The following PLEKHG4B variants were observed in gnomAD, a reference collection of about 807,000 sequenced individuals.
The protein encoded by PLEKHG4B is pleckstrin homology domain-containing family G member 4B.
A neutral mutation model predicts 121.3 loss-of-function variants in PLEKHG4B; 111 were observed. That is an observed-to-expected ratio of 0.92 (90% CI 0.78 to 1.07). The LOEUF is 1.07. Among genes scored for constraint, PLEKHG4B ranks in the 50% least tolerant of loss-of-function variants. The probability of loss-of-function intolerance (pLI) is 0.00; values close to 1 mark genes in which losing one functional copy is unlikely to be tolerated. For synonymous variants in PLEKHG4B, 738 were observed against 725.0 expected (o/e 1.02, Z -0.29); for missense variants, 1,831 against 1,757.8 (o/e 1.04, Z -0.74).
chr5:185,763 A>G lies in PLEKHG4B; in HGVS notation c.*3440A>G, dbSNP rs1026171293. ...GGGATATGCCCAGGCCAGCAGGGCC[A>G]GCAGGAGTGACTGCGCCATCCTGAA... On this transcript the variant is annotated 3_prime_UTR_variant, in exon 20 of 20. Transcript: ENST00000637938. The G allele has an allele frequency of 4.6e-5, 7 of 152,540 alleles. No homozygotes were observed. Among genetic ancestry groups the G allele is most frequent in the African/African-American group, 9.6e-5 (4 of 41,480 alleles). The allele number at this position is 152,540 out of a possible 1,614,324, so 9.4% of individuals were successfully genotyped here. A position where few individuals can be genotyped will look rare whatever the true frequency, so the allele number is the denominator to read the frequency against.
At chr5:170,466 T>C (rs769662846) in intron 14 of PLEKHG4B, among the ~76,000 whole-genome samples, 5 of 152,098 alleles carry the variant, frequency 3.3e-5, no homozygotes, top group Non-Finnish European at 7.4e-5. Context: ...CACGCCCGGC[T>C]AATTTTTGTA....
chr5:92,899 A>C (rs1052919815), intron 1 of PLEKHG4B, among the ~76,000 whole-genome samples: 1 of 152,336 alleles, frequency 6.6e-6, no homozygotes, highest in South Asian at 2.1e-4. Context: ...GATTTGAGTA[A>C]GAAACATTTG....
rs1473684664 is a variant in PLEKHG4B, at chr5:156,928, G to A, written c.2487+17G>A. The A allele has an allele frequency of 6.2e-7, 1 of 1,610,314 alleles. No homozygotes were observed. Among genetic ancestry groups the A allele is most frequent in the African/African-American group, 1.3e-5 (1 of 74,862 alleles). ...AATGACCAGGTCAGAGCTGCAGGAG[G>A]AAGGCGGCCCGGTCAGCATCCCCTC... On this transcript the variant is annotated intron_variant, in intron 11 of 19. Transcript: ENST00000637938. The surrounding 1 kb of genome is among the most constrained non-coding windows in gnomAD (Gnocchi z 4.4).
Position 182,351 on chromosome 5 carries a change from T to C in PLEKHG4B, c.*28T>C, listed in dbSNP as rs367589907. ...ACTGTCAGGGTGGCAGTGCCCATCA[T>C]GTGGCTAGAACAATACAGAGGGAGC... is the stretch of plus-strand genomic sequence containing the variant. On this transcript the variant is annotated 3_prime_UTR_variant, in exon 20 of 20. Transcript: ENST00000637938. 536 of 1,559,140 alleles carry C rather than the reference T, an allele frequency of 3.4e-4. 1 individual carries two copies. Among genetic ancestry groups the C allele is most frequent in the Admixed American group, 1.7e-3 (90 of 53,542 alleles).
Position 171,040 on chromosome 5 carries a change from C to G in PLEKHG4B, c.3730-3C>G. ...AGCCAAGCAGTCGCCTCTGCTTTTC[C>G]AGGAAGAGCAGTTTGGGATGTACGT... On this transcript the variant is annotated splice_polypyrimidine_tract_variant and splice_region_variant and intron_variant, in intron 14 of 19. Coordinates refer to ENST00000637938, the MANE Select transcript of PLEKHG4B (RefSeq NM_052909.5). 6.2e-7 allele frequency: 1 copy of G among 1,608,784 alleles called. No homozygotes were observed. Among genetic ancestry groups the G allele is most frequent in the Non-Finnish European group, 8.5e-7 (1 of 1,177,708 alleles).
chr5:182,034 C>A lies in PLEKHG4B; in HGVS notation c.4595C>A (p.Ser1532Tyr). ...CAAATGAGAGGGTCCACAGCGGTGT[C>A]CTCCTCTGACCACGCCGCCCCCTTC... ...ESQMRGSTAVSSSDHAAPFKR... is the reference protein window; with the variant it reads ...ESQMRGSTAVYSSDHAAPFKR... Residue 1532 changes from serine to tyrosine, a missense_variant, in exon 20 of 20, where the codon TCC (serine) becomes TAC (tyrosine). Coordinates refer to ENST00000637938, the MANE Select transcript of PLEKHG4B (RefSeq NM_052909.5). The A allele has an allele frequency of 1.2e-6, 2 of 1,614,106 alleles. No homozygotes were observed. Among genetic ancestry groups the A allele is most frequent in the South Asian group, 2.2e-5 (2 of 91,074 alleles).
intron 3 of PLEKHG4B, among the ~76,000 whole-genome samples, chr5:142,545 C>T (rs1243754634): frequency 2.8e-5 from 4 of 144,756 alleles, no homozygotes; most frequent in African/African-American, 1.1e-4. Context: ...CTCCAGAGTT[C>T]CAAATACCAC....
intron 1 of PLEKHG4B, among the ~76,000 whole-genome samples, chr5:94,424 A>G (rs1039621010): frequency 1.3e-5 from 2 of 148,256 alleles, no homozygotes; most frequent in African/African-American, 2.6e-5. Flanking sequence ...CGAGACCCCA[A>G]CGTGCTTCTG....
chr5:155,127 G>A lies in PLEKHG4B; in HGVS notation c.2109+136G>A, dbSNP rs367862079. On this transcript the variant is annotated intron_variant, in intron 8 of 19. Transcript: ENST00000637938. ...TGTTACAGTCGCCGTTCAGGTCTTC[G>A]TGTCTACACAACCACGCCGTGGTGC... The A allele has an allele frequency of 7.7e-5, 69 of 895,948 alleles. No individual in the cohort carries two copies. The East Asian group carries it at 1.0e-3, about 13-fold the overall frequency. The allele number at this position is 895,948 out of a possible 1,614,324, so 55.5% of individuals were successfully genotyped here.
At chr5:105,838 C>T (rs1027140154) in intron 1 of PLEKHG4B, among the ~76,000 whole-genome samples, 2 of 152,140 alleles carry the variant, frequency 1.3e-5, no homozygotes, top group Non-Finnish European at 2.9e-5. Flanking sequence ...ATCAACTGCT[C>T]TCCTGCAGAA....
chr5:177,819 C>G (rs547923071), intron 18 of PLEKHG4B, among the ~76,000 whole-genome samples: 1 of 152,296 alleles, frequency 6.6e-6, no homozygotes, highest in South Asian at 2.1e-4. Context: ...GCACCTTTCC[C>G]TTGGGATGTG....
chr5:100,484 A>G (rs1733773867), intron 1 of PLEKHG4B, among the ~76,000 whole-genome samples: 1 of 56,790 alleles, frequency 1.8e-5, no homozygotes, highest in African/African-American at 1.2e-4. Context: ...AGGTAAATCC[A>G]TATAAAGCCC....
intron 2 of PLEKHG4B, among the ~76,000 whole-genome samples, chr5:116,886 G>A (rs1579250969): frequency 6.6e-6 from 1 of 152,194 alleles, no homozygotes; most frequent in East Asian, 1.9e-4. Context: ...CCTTTGTGAG[G>A]ATGTACCTTT....
rs373538777 is a variant in PLEKHG4B, at chr5:107,656, T to C, written c.46-5595T>C. Among the ~76,000 whole-genome samples the C allele has an allele frequency of 1.6e-4, 25 of 152,354 alleles. 1 individual carries two copies. The South Asian group carries it at 4.6e-3, about 28-fold the overall frequency. ...CCCCGCCCTGGGTCTGGCCTCACCCTGAACTGTGAGTCCCTGGAGGACGGG... is the reference window on the plus strand; with the variant it reads ...CCCCGCCCTGGGTCTGGCCTCACCCCGAACTGTGAGTCCCTGGAGGACGGG... On this transcript the variant is annotated intron_variant, in intron 1 of 19. Coordinates refer to ENST00000637938, the MANE Select transcript of PLEKHG4B (RefSeq NM_052909.5).
intron 3 of PLEKHG4B, among the ~76,000 whole-genome samples, chr5:142,023 G>A (rs754472679): frequency 1.3e-5 from 2 of 152,140 alleles, no homozygotes; most frequent in Non-Finnish European, 2.9e-5. Context: ...AGAGCCTTTC[G>A]CCTTCAAAGT....
intron 1 of PLEKHG4B, among the ~76,000 whole-genome samples, chr5:97,646 T>TTGTGAGGTTAATCCATACAA (rs1733668689): frequency 6.6e-6 from 1 of 151,834 alleles, no homozygotes; most frequent in African/African-American, 2.4e-5. Flanking sequence ...TTCATGGCTG[T>TTGTGAGGTTAATCCATACAA]ATAACTCTCC....
At position 143,581 on chromosome 5, in the gene PLEKHG4B, G is replaced by A. The variant is rs1346549233; in HGVS notation, c.1811+78G>A. ...TGTGTGTGGCAAAGTGGGGGGCACGGGGAGGTGCCAGCTTCCATGGCCAGA... is the reference window on the plus strand; with the variant it reads ...TGTGTGTGGCAAAGTGGGGGGCACGAGGAGGTGCCAGCTTCCATGGCCAGA... On this transcript the variant is annotated intron_variant, in intron 5 of 19. Transcript: ENST00000637938. 3.2e-6 allele frequency: 5 copies of A among 1,557,714 alleles called. No individual in the cohort carries two copies. The African/African-American group carries it at 5.4e-5, about 17-fold the overall frequency.
At chr5:130,065 G>C (rs376985770) in intron 2 of PLEKHG4B, among the ~76,000 whole-genome samples, 354 of 150,588 alleles carry the variant, frequency 2.4e-3, no homozygotes, top group African/African-American at 8.2e-3. Flanking sequence ...AATATGAAGA[G>C]AGAGTGAGAG....
chr5:110,642 C>T (rs2126353018), intron 1 of PLEKHG4B, among the ~76,000 whole-genome samples: 1 of 152,076 alleles, frequency 6.6e-6, no homozygotes, highest in Middle Eastern at 3.4e-3. Context: ...CACGTGCACA[C>T]ATCCACACAA....
Sources: allele counts gnomAD v4.1 joint callset (sites outside exome capture counted in the v4.1 genomes callset), GRCh38; gene constraint gnomAD v4.1.1; non-coding constraint Gnocchi (gnomAD v3.1); transcripts MANE v1.5; gene names NCBI Gene and HGNC (gene_info 2026-07-23, HGNC 2026-07-21).